Variants in SLC28A1 observed in about 807,000 individuals in gnomAD.
SLC28A1 encodes the protein solute carrier family 28 member 1, also known as sodium/nucleoside cotransporter 1.
Under a neutral mutation model 74.8 loss-of-function variants are expected in SLC28A1, and 64 were observed. The ratio of observed to expected loss-of-function variants is 0.86; its 90% CI spans 0.70 to 1.05. SLC28A1 has a LOEUF of 1.05. Ranked by LOEUF, SLC28A1 falls within the 50% of genes least tolerant of loss-of-function variation. The pLI is 0.00. For synonymous variants in SLC28A1, 359 were observed against 335.0 expected (o/e 1.07, Z -0.78); for missense variants, 828 against 822.8 (o/e 1.01, Z -0.08).
intron 16 of SLC28A1, among the ~76,000 whole-genome samples, chr15:84,943,843 A>C (rs1388047495): frequency 6.6e-6 from 1 of 151,878 alleles, no homozygotes; most frequent in Non-Finnish European, 1.5e-5. Context: ...CCCAGGCACG[A>C]GGATGAGCTG....
At chr15:84,961,291 C>T in the SLC28A1 span, among the ~76,000 whole-genome samples, 13 of 151,466 alleles carry the variant, frequency 8.6e-5, no homozygotes, top group East Asian at 5.8e-4. Context: ...GGAATAGAGC[C>T]GCAGCAACCT....
chr15:84,949,499 C>T (rs61527255), downstream of SLC28A1, among the ~76,000 whole-genome samples: 5,252 of 151,824 alleles, frequency 0.035, 299 homozygotes, highest in African/African-American at 0.12. Context: ...GGTCCTCCCA[C>T]CTCAGCCTCC....
chr15:84,953,557 T>A, the SLC28A1 span, among the ~76,000 whole-genome samples: 2 of 152,090 alleles, frequency 1.3e-5, no homozygotes, highest in Non-Finnish European at 2.9e-5. Context: ...TAGCGAGACC[T>A]TGTCTCCACT....
At chr15:84,937,145 T>C (rs1596350551) in intron 15 of SLC28A1, among the ~76,000 whole-genome samples, 1 of 152,218 alleles carries the variant, frequency 6.6e-6, no homozygotes, top group East Asian at 1.9e-4. Flanking sequence ...TTTTTGTTTT[T>C]TTTTTTACTT....
In SLC28A1 at chr15:84,924,092, T is replaced by C; in HGVS notation, c.1065T>C (p.Gly355=). The change falls in exon 12 of 19, where the codon GGT becomes GGC. Residue 355 remains glycine, a synonymous_variant. Transcript: ENST00000394573. ...CCACCATTGCTGGCAGCCTGCTGGGTGCCTACATCTCCTTTGGGGTAGGTA... is the reference window on the plus strand; with the variant it reads ...CCACCATTGCTGGCAGCCTGCTGGGCGCCTACATCTCCTTTGGGGTAGGTA... ...GYATIAGSLL[G]AYISFGIDAT... 1.2e-6 allele frequency: 2 copies of C among 1,613,554 alleles called. No individual in the cohort carries two copies. The highest frequency in any genetic ancestry group is 1.7e-6 in the Non-Finnish European group (2 of 1,179,974).
chr15:84,951,726 G>A, the SLC28A1 span, among the ~76,000 whole-genome samples: 4 of 152,056 alleles, frequency 2.6e-5, no homozygotes, highest in African/African-American at 9.7e-5. Flanking sequence ...TGGTAACATG[G>A]GGCTGGTACA....
At chr15:84,942,948 G>A (rs977530154) in intron 15 of SLC28A1, among the ~76,000 whole-genome samples, 3 of 152,210 alleles carry the variant, frequency 2.0e-5, no homozygotes, top group African/African-American at 7.2e-5. Context: ...ACTTTGGGAG[G>A]CTGAGGTGGG....
the SLC28A1 span, among the ~76,000 whole-genome samples, chr15:84,966,920 T>C: frequency 6.6e-6 from 1 of 151,976 alleles, no homozygotes; most frequent in East Asian, 1.9e-4. Context: ...TACAGGAACA[T>C]GCCACCATGC....
rs746844935 is a variant in SLC28A1, at chr15:84,944,811, G to T, written c.1818G>T (p.Thr606=). ...AEVDCMSLLN[T]TLSSSSFEIY... is the part of the protein sequence containing the mutation. ...TTGACTGCATGTCCCTCTTGAACAC[G>T]ACCCTCAGCAGCAGTAGCTTTGAGA... is the stretch of plus-strand genomic sequence containing the variant. The change falls in exon 18 of 19, where the codon ACG becomes ACT. Residue 606 remains threonine (T), a synonymous_variant. Coordinates refer to ENST00000394573, the MANE Select transcript of SLC28A1 (RefSeq NM_004213.5). 5 of 1,614,092 alleles carry T rather than the reference G, an allele frequency of 3.1e-6. No homozygotes were observed. The highest frequency in any genetic ancestry group is 3.4e-6 in the Non-Finnish European group (4 of 1,179,994).
the SLC28A1 span, among the ~76,000 whole-genome samples, chr15:84,953,003 T>G: frequency 6.6e-6 from 1 of 152,246 alleles, no homozygotes; most frequent in African/African-American, 2.4e-5. Context: ...AGGAGTCCAT[T>G]GTTTATATTA....
intron 12 of SLC28A1, among the ~76,000 whole-genome samples, chr15:84,927,565 A>G (rs906755564): frequency 6.6e-6 from 1 of 152,174 alleles, no homozygotes; most frequent in Admixed American, 6.5e-5. Flanking sequence ...TATGACCTAC[A>G]CTCAAACAAA....
rs530778322 is a variant in SLC28A1, at chr15:84,905,950, C to T, written c.717+298C>T. 1.5e-4 allele frequency among the ~76,000 whole-genome samples: 16 copies of T among 106,608 alleles called. 1 individual carries two copies. Among genetic ancestry groups the T allele is most frequent in the Admixed American group, 9.2e-4 (9 of 9,738 alleles). 69.9% of individuals were successfully genotyped at this position (106,608 alleles called of 152,430 possible). On this transcript the variant is annotated intron_variant, in intron 8 of 18. Transcript: ENST00000394573. ...AAGTGCTAAAAAAAAAAACCCAAATCTGCAAATGATTTACTTCTGTGTGTG... is the reference window on the plus strand; with the variant it reads ...AAGTGCTAAAAAAAAAAACCCAAATTTGCAAATGATTTACTTCTGTGTGTG...
downstream of SLC28A1, among the ~76,000 whole-genome samples, chr15:84,949,319 C>T (rs967647570): frequency 6.6e-6 from 1 of 152,162 alleles, no homozygotes; most frequent in Non-Finnish European, 1.5e-5. Context: ...TGTGATGAGA[C>T]TAAAGATTGG....
chr15:84,945,695 A>C lies in SLC28A1; in HGVS notation c.*495A>C. 1 of 221,504 alleles carries C rather than the reference A, an allele frequency of 4.5e-6. No homozygotes were observed. Among genetic ancestry groups the C allele is most frequent in the Non-Finnish European group, 9.1e-6 (1 of 110,424 alleles). 13.7% of individuals were successfully genotyped at this position (221,504 alleles called of 1,614,324 possible). ...CGCCTTTCCTCAGAGTGCTTCCCAA[A>C]CTGAGGTCCCATGGCACACTGTCCT... On this transcript the variant is annotated 3_prime_UTR_variant, in exon 19 of 19. Coordinates refer to ENST00000394573, the MANE Select transcript of SLC28A1 (RefSeq NM_004213.5).
rs1351756408 is a variant in SLC28A1, at chr15:84,935,948, TTTG to T, written c.1581+433_1581+435del. 4.1e-4 allele frequency among the ~76,000 whole-genome samples: 48 copies of T among 117,008 alleles called. 3 individuals carry two copies. Among genetic ancestry groups the T allele is most frequent in the African/African-American group, 1.1e-3 (32 of 28,144 alleles). The allele number at this position is 117,008 out of a possible 152,430, so 76.8% of individuals were successfully genotyped here. On this transcript the variant is annotated intron_variant, in intron 15 of 18. Coordinates refer to ENST00000394573, the MANE Select transcript of SLC28A1 (RefSeq NM_004213.5). The stretch of plus-strand genomic sequence containing the variant: ...CTCACTGTTTTGTTTTGGTTTGGTT[TTTG>T]TTTTTTTTTTTTTTTTTTTTTGAGA...
At chr15:84,887,047 C>A (rs1365172796) in intron 2 of SLC28A1, among the ~76,000 whole-genome samples, 1 of 152,010 alleles carries the variant, frequency 6.6e-6, no homozygotes, top group African/African-American at 2.4e-5. Flanking sequence ...TGAGCTTCAG[C>A]AAAAAATGAA....
intron 8 of SLC28A1, among the ~76,000 whole-genome samples, chr15:84,907,235 G>A (rs1967382589): frequency 6.6e-6 from 1 of 152,170 alleles, no homozygotes; most frequent in African/African-American, 2.4e-5. Flanking sequence ...TTGGTCTGTT[G>A]GGAGTAGTGC....
At chr15:84,961,962 T>A in the SLC28A1 span, among the ~76,000 whole-genome samples, 1 of 152,152 alleles carries the variant, frequency 6.6e-6, no homozygotes, top group Non-Finnish European at 1.5e-5. Flanking sequence ...AGAGAGTGAG[T>A]CCCTTGGTGT....
At chr15:84,925,199 A>G (rs1267119231) in intron 12 of SLC28A1, among the ~76,000 whole-genome samples, 2 of 150,362 alleles carry the variant, frequency 1.3e-5, no homozygotes, top group Non-Finnish European at 2.9e-5. Flanking sequence ...TATTACAGGC[A>G]TGAGCCACGG....
Sources: allele counts gnomAD v4.1 joint callset (sites outside exome capture counted in the v4.1 genomes callset), GRCh38; gene constraint gnomAD v4.1.1; transcripts MANE v1.5; gene names NCBI Gene and HGNC (gene_info 2026-07-23, HGNC 2026-07-21).